WIF1: variants seen among roughly 807,000 people sequenced by gnomAD.
WIF1 encodes Wnt inhibitory factor 1.
Under a neutral mutation model 53.5 loss-of-function variants are expected in WIF1, and 35 were observed. That is an observed-to-expected ratio of 0.65 (90% confidence interval 0.50 to 0.87). The LOEUF is 0.87. WIF1 is among the 40% of genes least tolerant of loss of function. The pLI is 0.00. For synonymous variants in WIF1, 171 were observed against 170.4 expected (o/e 1.00, Z -0.03); for missense variants, 467 against 476.8 (o/e 0.98, Z 0.19).
At chr12:65,051,689 A>G (rs78558123) in intron 9 of WIF1, among the ~76,000 whole-genome samples, 4 of 152,306 alleles carry the variant, frequency 2.6e-5, no homozygotes, top group South Asian at 4.1e-4. Flanking sequence ...CTCATTCCCT[A>G]TATATTCTGG....
intron 2 of WIF1, among the ~76,000 whole-genome samples, chr12:65,078,101 CAG>C (rs1882892759): frequency 6.6e-6 from 1 of 152,070 alleles, no homozygotes. Flanking sequence ...TTTTTTGAGA[CAG>C]AGTCTTGCTC....
Position 65,073,094 on chromosome 12 carries a change from G to A in WIF1, c.398-4190C>T, listed in dbSNP as rs558377844. 7.9e-5 allele frequency among the ~76,000 whole-genome samples: 12 copies of A among 152,274 alleles called. No individual in the cohort carries two copies. The South Asian group carries it at 2.3e-3, about 29-fold the overall frequency. ...AGATAGCCTCAGCCTCCAGTCAGTT[G>A]AGTCCCTGTCCTTACAACAAGGCAA... On this transcript the variant is annotated intron_variant, in intron 3 of 9. Transcript: ENST00000286574.
intron 3 of WIF1, among the ~76,000 whole-genome samples, chr12:65,069,672 C>T (rs1882743882): frequency 6.6e-6 from 1 of 152,070 alleles, no homozygotes; most frequent in Non-Finnish European, 1.5e-5. Flanking sequence ...AATGATTACT[C>T]AGCCTGTGCA....
chr12:65,094,132 T>C (rs555905973), intron 2 of WIF1, among the ~76,000 whole-genome samples: 95 of 152,298 alleles, frequency 6.2e-4, no homozygotes, highest in African/African-American at 2.2e-3. Context: ...ACAGCTACTG[T>C]CAGCCTTGAA....
chr12:65,116,728 T>C (rs1462017384), intron 2 of WIF1, among the ~76,000 whole-genome samples: 5 of 147,270 alleles, frequency 3.4e-5, no homozygotes, highest in African/African-American at 1.3e-4. Flanking sequence ...AGGTCAGGAG[T>C]TCAAGACCAG....
intron 3 of WIF1, among the ~76,000 whole-genome samples, chr12:65,074,333 AG>A (rs1421108894): frequency 6.6e-6 from 1 of 152,100 alleles, no homozygotes; most frequent in African/African-American, 2.4e-5. Context: ...GAAGCTGAGC[AG>A]GTAAGTATAA....
At chr12:65,083,590 C>G (rs1026530162) in intron 2 of WIF1, among the ~76,000 whole-genome samples, 2 of 152,076 alleles carry the variant, frequency 1.3e-5, no homozygotes, top group Non-Finnish European at 2.9e-5. Flanking sequence ...TGAACCATTT[C>G]CCTGTAGACA....
At chr12:65,107,683 GCGAAT>G (rs1432893942) in intron 2 of WIF1, among the ~76,000 whole-genome samples, 1 of 152,208 alleles carries the variant, frequency 6.6e-6, no homozygotes, top group Admixed American at 6.5e-5. Flanking sequence ...GGCTTCAGAT[GCGAAT>G]CCTCCCAGTG....
At chr12:65,113,378 T>C (rs1252036597) in intron 2 of WIF1, among the ~76,000 whole-genome samples, 2 of 152,236 alleles carry the variant, frequency 1.3e-5, no homozygotes, top group Non-Finnish European at 2.9e-5. Context: ...TTGGATATCA[T>C]ACCTTTCTGC....
intron 2 of WIF1, among the ~76,000 whole-genome samples, chr12:65,117,788 G>T (rs1008557317): frequency 7.2e-5 from 11 of 152,258 alleles, no homozygotes; most frequent in Admixed American, 2.6e-4. Flanking sequence ...CCTCGCATGT[G>T]CAATTCACAA....
In WIF1 at chr12:65,067,687, T is replaced by G. The variant is rs1254208196; in HGVS notation, c.634+8A>C. Reference sequence around the variant, plus strand: ...AAGGGAGCAAGGGAAATCGGCTCCATGTCTTACCTTTCTCACAGTGAGGTC... The same window carrying G: ...AAGGGAGCAAGGGAAATCGGCTCCAGGTCTTACCTTTCTCACAGTGAGGTC... On this transcript the variant is annotated splice_region_variant and intron_variant, in intron 5 of 9. Coordinates refer to ENST00000286574, the MANE Select transcript of WIF1 (RefSeq NM_007191.5). 6.2e-7 allele frequency: 1 copy of G among 1,612,458 alleles called. No homozygotes were observed. The highest frequency in any genetic ancestry group is 8.5e-7 in the Non-Finnish European group (1 of 1,178,910).
At chr12:65,052,339 A>G (rs1335375517) in intron 9 of WIF1, among the ~76,000 whole-genome samples, 2 of 152,202 alleles carry the variant, frequency 1.3e-5, no homozygotes, top group Non-Finnish European at 2.9e-5. Flanking sequence ...GTCAGTATGT[A>G]GTCTAGTAGC....
chr12:65,066,719 A>G lies in WIF1; in HGVS notation c.652T>C (p.Cys218Arg), dbSNP rs1374302405. The G allele has an allele frequency of 4.3e-6, 7 of 1,609,256 alleles. No homozygotes were observed. Among genetic ancestry groups the G allele is most frequent in the Non-Finnish European group, 5.9e-6 (7 of 1,177,456 alleles). ...HCEKALCTPR[C>R]MNGGLCVTPG... ...GTCACACAAAGTCCACCATTCATAC[A>G]TCGTGGGGTACAAAGGGCTTATAGG... Residue 218 changes from cysteine to arginine, a missense_variant, in exon 6 of 10, where the codon TGT (cysteine) becomes CGT (arginine). By Grantham distance (180) the Cys-to-Arg change is radical. Transcript: ENST00000286574.
chr12:65,060,383 T>G (rs1208325453), intron 7 of WIF1, among the ~76,000 whole-genome samples: 1 of 152,234 alleles, frequency 6.6e-6, no homozygotes, highest in Non-Finnish European at 1.5e-5. Flanking sequence ...TGCAGTGATA[T>G]ATACTACACC....
At chr12:65,120,802 G>C (rs1024166783) in intron 1 of WIF1, 2 of 788,964 alleles carry the variant, frequency 2.5e-6, no homozygotes, top group African/African-American at 3.5e-5. Context: ...AAAATGCCGG[G>C]TGCACCTAAA....
intron 2 of WIF1, among the ~76,000 whole-genome samples, chr12:65,083,386 ATTC>A (rs1882977528): frequency 6.6e-6 from 1 of 152,176 alleles, no homozygotes; most frequent in Admixed American, 6.6e-5. Context: ...CTTCCTCAGA[ATTC>A]TTCTTGTTAC....
chr12:65,097,681 T>G (rs1029128314), intron 2 of WIF1, among the ~76,000 whole-genome samples: 1 of 152,198 alleles, frequency 6.6e-6, no homozygotes, highest in Non-Finnish European at 1.5e-5. Context: ...AAAATCACTT[T>G]GTTTCAAAAA....
chr12:65,105,247 AT>A lies in WIF1; in HGVS notation c.288+15169del, dbSNP rs1282909669. ...GTTTGTTTATGCAGCTGCCTAGGAA[AT>A]AAGGGGGAAGGAAGTTAGAGGTACA... On this transcript the variant is annotated intron_variant, in intron 2 of 9. Transcript: ENST00000286574. Among the ~76,000 whole-genome samples the A allele has an allele frequency of 2.0e-5, 3 of 152,104 alleles. No homozygotes were observed. The East Asian group carries it at 5.8e-4, about 29-fold the overall frequency.
intron 3 of WIF1, among the ~76,000 whole-genome samples, chr12:65,073,798 G>A (rs751720090): frequency 5.9e-5 from 9 of 152,186 alleles, no homozygotes; most frequent in Admixed American, 3.3e-4. Context: ...CTCTGCAATG[G>A]TGTAAGGTTC....
Sources: allele counts gnomAD v4.1 joint callset (sites outside exome capture counted in the v4.1 genomes callset), GRCh38; gene constraint gnomAD v4.1.1; transcripts MANE v1.5; gene names NCBI Gene and HGNC (gene_info 2026-07-23, HGNC 2026-07-21).